The following TBC1D19 variants were observed in gnomAD, a reference collection of about 807,000 sequenced individuals.
The protein encoded by TBC1D19 is TBC1 domain family, member 19.
Under a neutral mutation model 89.0 loss-of-function variants are expected in TBC1D19, and 60 were observed. The ratio of observed to expected loss-of-function variants is 0.67; its 90% CI spans 0.55 to 0.84. TBC1D19 has a LOEUF of 0.84. Among genes scored for constraint, TBC1D19 ranks in the 40% least tolerant of loss-of-function variants. The pLI, the probability that TBC1D19 is intolerant of heterozygous loss-of-function variation, is 0.00. For synonymous variants in TBC1D19, 189 were observed against 199.7 expected, an observed-to-expected ratio of 0.95 and a Z score of 0.45; for missense variants, 500 against 610.8, an observed-to-expected ratio of 0.82 and a Z score of 1.91.
At chr4:26,826,215 GA>G in the TBC1D19 span, among the ~76,000 whole-genome samples, 4 of 150,496 alleles carry the variant, frequency 2.7e-5, no homozygotes, top group African/African-American at 4.9e-5. Flanking sequence ...AATAAAAAGT[GA>G]AAAAAAAATT....
Position 26,737,155 on chromosome 4 carries a change from C to T in TBC1D19, c.1117+1668C>T, listed in dbSNP as rs575096004. ...ATATAAAACTATCGTTCAATGAAAA[C>T]GAGTCAAAGTACCTAGGGACTTTAT... On this transcript the variant is annotated intron_variant, in intron 16 of 20. Transcript: ENST00000264866. Among the ~76,000 whole-genome samples, 177 of 152,090 alleles carry T rather than the reference C, an allele frequency of 1.2e-3. 2 individuals carry two copies. The highest frequency in any genetic ancestry group is 3.9e-3 in the African/African-American group (161 of 41,512).
chr4:26,791,778 C>G, the TBC1D19 span, among the ~76,000 whole-genome samples: 4 of 152,188 alleles, frequency 2.6e-5, no homozygotes, highest in Non-Finnish European at 4.4e-5. Context: ...GGGACAGGAG[C>G]AGTTTTACTG....
intron 13 of TBC1D19, among the ~76,000 whole-genome samples, chr4:26,700,230 A>G (rs1715202889): frequency 6.6e-6 from 1 of 151,754 alleles, no homozygotes; most frequent in Non-Finnish European, 1.5e-5. Flanking sequence ...TTTGATGAAA[A>G]ACATTAATCT....
intron 1 of TBC1D19, among the ~76,000 whole-genome samples, chr4:26,596,874 T>C (rs1740257152): frequency 6.6e-6 from 1 of 152,246 alleles, no homozygotes; most frequent in Admixed American, 6.5e-5. Flanking sequence ...AGTATATTGC[T>C]TAATTTCCAA....
At chr4:26,643,909 C>T (rs990137091) in intron 7 of TBC1D19, among the ~76,000 whole-genome samples, 10 of 152,098 alleles carry the variant, frequency 6.6e-5, no homozygotes, top group African/African-American at 2.2e-4. Context: ...CAATAACAGG[C>T]TCTGAAATTG....
the TBC1D19 span, among the ~76,000 whole-genome samples, chr4:26,807,114 C>T: frequency 6.6e-6 from 1 of 152,146 alleles, no homozygotes; most frequent in Non-Finnish European, 1.5e-5. Flanking sequence ...AGAGCTCTCC[C>T]TGTCCTTTCC....
At chr4:26,649,254 T>C (rs1744167992) in intron 7 of TBC1D19, among the ~76,000 whole-genome samples, 1 of 152,182 alleles carries the variant, frequency 6.6e-6, no homozygotes, top group Admixed American at 6.5e-5. Flanking sequence ...AGCTGTTAGC[T>C]ATCAGTTCAT....
At chr4:26,815,021 C>CAAA in the TBC1D19 span, among the ~76,000 whole-genome samples, 1 of 119,308 alleles carries the variant, frequency 8.4e-6, no homozygotes, top group Non-Finnish European at 1.8e-5. Flanking sequence ...GACCTTGTCT[C>CAAA]AAAAAAAAAA....
chr4:26,739,185 C>G (rs1718209278), intron 16 of TBC1D19, among the ~76,000 whole-genome samples: 1 of 152,112 alleles, frequency 6.6e-6, no homozygotes, highest in African/African-American at 2.4e-5. Flanking sequence ...TTCTGACATT[C>G]AACTGTGGAA....
chr4:26,577,960 C>A (rs557905475), intron 1 of TBC1D19, among the ~76,000 whole-genome samples: 1 of 152,166 alleles, frequency 6.6e-6, no homozygotes, highest in South Asian at 2.1e-4. Flanking sequence ...GAGCTAAGAA[C>A]TATTGTCTTA....
the TBC1D19 span, among the ~76,000 whole-genome samples, chr4:26,819,034 A>C: frequency 6.6e-6 from 1 of 152,246 alleles, no homozygotes; most frequent in African/African-American, 2.4e-5. Flanking sequence ...GTATCCCCAA[A>C]GAAGTGGATG....
intron 15 of TBC1D19, among the ~76,000 whole-genome samples, chr4:26,727,909 C>T (rs536516811): frequency 6.6e-6 from 1 of 152,284 alleles, no homozygotes; most frequent in Non-Finnish European, 1.5e-5. Flanking sequence ...AGATAATACA[C>T]AGTATGAAAT....
the TBC1D19 span, among the ~76,000 whole-genome samples, chr4:26,765,061 G>C: frequency 6.6e-6 from 1 of 152,134 alleles, no homozygotes; most frequent in South Asian, 2.1e-4. Context: ...AGGACAATAG[G>C]AGTAGGGTAG....
rs1560394765 is a variant in TBC1D19 at position 26,584,155 on chromosome 4, C to G, written c.-39C>G. 4 of 1,591,950 alleles carry G rather than the reference C, an allele frequency of 2.5e-6. No individual in the cohort carries two copies. Among genetic ancestry groups the G allele is most frequent in the Non-Finnish European group, 3.4e-6 (4 of 1,168,636 alleles). On this transcript the variant is annotated 5_prime_UTR_variant, in exon 1 of 21. Transcript: ENST00000264866. Reference sequence around the variant, plus strand: ...CGGTAGCCCGTTCGCTCCGCGCCGGCGGCCTGTCCCCGCGGCTTGGCGGGC... The same window carrying G: ...CGGTAGCCCGTTCGCTCCGCGCCGGGGGCCTGTCCCCGCGGCTTGGCGGGC...
At chr4:26,823,399 A>C in the TBC1D19 span, among the ~76,000 whole-genome samples, 635 of 152,312 alleles carry the variant, frequency 4.2e-3, 8 homozygotes, top group African/African-American at 0.014. Context: ...TTGATTGGTC[A>C]GGGATGGGTT....
intron 13 of TBC1D19, among the ~76,000 whole-genome samples, chr4:26,715,522 T>C (rs1405512212): frequency 3.3e-5 from 5 of 152,168 alleles, no homozygotes; most frequent in Non-Finnish European, 7.4e-5. Context: ...ATAAGTGCAG[T>C]TAATGAAGCA....
chr4:26,702,046 G>A (rs1351599850), intron 13 of TBC1D19, among the ~76,000 whole-genome samples: 2 of 152,142 alleles, frequency 1.3e-5, no homozygotes, highest in Non-Finnish European at 2.9e-5. Context: ...AGCCTCTTTG[G>A]TGGTGGTAAA....
the TBC1D19 span, among the ~76,000 whole-genome samples, chr4:26,820,867 C>T: frequency 6.6e-6 from 1 of 152,148 alleles, no homozygotes; most frequent in Non-Finnish European, 1.5e-5. Flanking sequence ...CATCTTTACC[C>T]CCATTAGACT....
At chr4:26,766,851 T>C in the TBC1D19 span, among the ~76,000 whole-genome samples, 5 of 152,192 alleles carry the variant, frequency 3.3e-5, no homozygotes, top group Admixed American at 6.5e-5. Context: ...AGATAATGCA[T>C]ATAGAATATT....
Sources: gnomAD v4.1 joint callset for allele counts (sites outside exome capture counted in the v4.1 genomes callset) on GRCh38, gnomAD v4.1.1 for gene constraint, MANE v1.5 for transcripts, NCBI Gene and HGNC (gene_info 2026-07-23, HGNC 2026-07-21) for gene names.